Variants in ANO4 observed in about 807,000 individuals in gnomAD.
ANO4 encodes the protein anoctamin-4.
ANO4 carries 69 observed loss-of-function variants against 141.9 expected under a neutral mutation model. The ratio of observed to expected loss-of-function variants is 0.49; its 90% CI spans 0.40 to 0.59. The LOEUF (loss-of-function observed/expected upper bound fraction) is 0.59. Ranked by LOEUF, ANO4 falls within the 20% of genes least tolerant of loss-of-function variation. The pLI, the probability that ANO4 is intolerant of heterozygous loss-of-function variation, is 0.00. For synonymous variants in ANO4, 350 were observed against 394.3 expected, an observed-to-expected ratio of 0.89 and a Z score of 1.33; for missense variants, 894 against 1,162.2, an observed-to-expected ratio of 0.77 and a Z score of 3.36.
intron 3 of ANO4, among the ~76,000 whole-genome samples, chr12:100,784,475 T>C (rs1217854334): frequency 6.6e-6 from 1 of 152,204 alleles, no homozygotes; most frequent in African/African-American, 2.4e-5. Flanking sequence ...TCTAAGGATA[T>C]TCATTTTCCT....
At position 101,020,021 on chromosome 12, in the gene ANO4, T is replaced by C. The variant is rs754227512; in HGVS notation, c.735-13T>C. ...ATTAATTCTCAACTTGTATTTTTAATATATGTATGCAGCTTCATCATACAC... is the reference window on the plus strand; with the variant it reads ...ATTAATTCTCAACTTGTATTTTTAACATATGTATGCAGCTTCATCATACAC... On this transcript the variant is annotated splice_polypyrimidine_tract_variant and intron_variant, in intron 8 of 27. Transcript: ENST00000392977. The C allele has an allele frequency of 6.3e-7, 1 of 1,584,494 alleles. No individual in the cohort carries two copies. The highest frequency in any genetic ancestry group is 8.7e-7 in the Non-Finnish European group (1 of 1,155,268).
chr12:100,808,558 G>A (rs1260135296), intron 1 of ANO4, among the ~76,000 whole-genome samples: 4 of 152,068 alleles, frequency 2.6e-5, no homozygotes, highest in African/African-American at 9.7e-5. Context: ...CTTCTTTTAT[G>A]AATCTCCTTA....
chr12:100,884,134 T>C (rs1286838532), intron 1 of ANO4, among the ~76,000 whole-genome samples: 2 of 152,250 alleles, frequency 1.3e-5, no homozygotes, highest in African/African-American at 4.8e-5. Context: ...AATGTCATGT[T>C]GTTTCTGTTT....
intron 1 of ANO4, among the ~76,000 whole-genome samples, chr12:100,820,247 TA>T (rs2135733653): frequency 6.6e-6 from 1 of 151,768 alleles, no homozygotes; most frequent in South Asian, 2.1e-4. Flanking sequence ...TTCAACCTAT[TA>T]AAATCTTACT....
chr12:100,922,171 T>C (rs2041661926), intron 2 of ANO4, 55 bp from the exon 3 acceptor site: 1 of 1,327,316 alleles, frequency 7.5e-7, no homozygotes, highest in South Asian at 1.5e-5. Flanking sequence ...GGGACCCTAA[T>C]GACAGACTCT....
intron 5 of ANO4, among the ~76,000 whole-genome samples, chr12:100,957,119 ATAT>A (rs2043201260): frequency 6.6e-6 from 1 of 152,210 alleles, no homozygotes; most frequent in African/African-American, 2.4e-5. Context: ...TATGAAGAAA[ATAT>A]TATCATTTAG....
chr12:100,980,527 A>G (rs2044412627), intron 7 of ANO4, among the ~76,000 whole-genome samples: 1 of 152,224 alleles, frequency 6.6e-6, no homozygotes, highest in Non-Finnish European at 1.5e-5. Flanking sequence ...TTCCCGTCGT[A>G]TGAAATCTTG....
chr12:100,756,132 G>A (rs1030253794), intron 3 of ANO4, among the ~76,000 whole-genome samples: 5 of 152,078 alleles, frequency 3.3e-5, no homozygotes, highest in African/African-American at 1.2e-4. Flanking sequence ...ATATTGAAGT[G>A]CTTTTAAATG....
chr12:100,800,709 A>G (rs914955728), intron 1 of ANO4, among the ~76,000 whole-genome samples: 1 of 152,240 alleles, frequency 6.6e-6, no homozygotes, highest in Non-Finnish European at 1.5e-5. Flanking sequence ...TTAAACTGAC[A>G]GCCTGGATAG....
intron 1 of ANO4, among the ~76,000 whole-genome samples, chr12:100,837,049 T>C (rs557232106): frequency 6.6e-6 from 1 of 152,200 alleles, no homozygotes; most frequent in African/African-American, 2.4e-5. Flanking sequence ...AATAGGTAGG[T>C]TGAAGAAATG....
chr12:101,120,614 A>G lies in ANO4; in HGVS notation c.2665A>G (p.Ile889Val). Residue 889 changes from isoleucine to valine, a missense_variant, in exon 26 of 28, where the codon ATT (isoleucine) becomes GTT (valine). This residue lies in a region of ANO4 where 637 missense variants were observed against 909.2 expected (regional missense o/e 0.70). Coordinates refer to ENST00000392977, the MANE Select transcript of ANO4 (RefSeq NM_001286615.2). ...HVLAARLAFIIVFEHLVFCIK... is the reference protein window; with the variant it reads ...HVLAARLAFIVVFEHLVFCIK... ...CCTAGCTGCTCGATTAGCTTTTATC[A>G]TTGTCTTTGAGGTAAGTTTCCTCAG... 1.2e-6 allele frequency: 2 copies of G among 1,613,848 alleles called. No individual in the cohort carries two copies. Among genetic ancestry groups the G allele is most frequent in the Non-Finnish European group, 1.7e-6 (2 of 1,179,818 alleles).
At chr12:100,979,009 CAGG>C (rs1463241252) in intron 7 of ANO4, among the ~76,000 whole-genome samples, 2 of 152,014 alleles carry the variant, frequency 1.3e-5, no homozygotes, top group Non-Finnish European at 2.9e-5. Flanking sequence ...TGGAATATCC[CAGG>C]AGGAGATGTA....
chr12:100,767,686 T>TATGAA (rs1469999250), intron 3 of ANO4, among the ~76,000 whole-genome samples: 1 of 152,232 alleles, frequency 6.6e-6, no homozygotes, highest in African/African-American at 2.4e-5. Flanking sequence ...ATTTAAAACC[T>TATGAA]ATGAATTGTT....
At position 100,718,274 on chromosome 12, in the gene ANO4, A is replaced by C. The variant is rs553640850; in HGVS notation, c.22+727A>C. On this transcript the variant is annotated intron_variant, in intron 1 of 29. Coordinates refer to the ANO4 transcript ENST00000644049. ...GGGAAGCCAGCAAGGCTTCTTATCA[A>C]CGTTCTTGCTTGTGTGGATAAAGCA... is the stretch of plus-strand genomic sequence containing the variant. Among the ~76,000 whole-genome samples the C allele has an allele frequency of 1.4e-3, 206 of 152,344 alleles. 1 individual carries two copies. Among genetic ancestry groups the C allele is most frequent in the African/African-American group, 4.8e-3 (200 of 41,584 alleles).
At chr12:101,114,576 A>C (rs1162566628) in intron 24 of ANO4, among the ~76,000 whole-genome samples, 1 of 152,214 alleles carries the variant, frequency 6.6e-6, no homozygotes, top group South Asian at 2.1e-4. Flanking sequence ...AATGGACAGT[A>C]GCGTTAGTCT....
rs532539546 is a variant in ANO4, at chr12:100,823,484, G to T, written c.-141+28457G>T. On this transcript the variant is annotated intron_variant, in intron 1 of 27. Coordinates refer to ENST00000392977, the MANE Select transcript of ANO4 (RefSeq NM_001286615.2). The stretch of plus-strand genomic sequence containing the variant: ...TCATTTTCCCTCTTGCTTTGTTTTT[G>T]CATACAAGCGAGTTGGGACATATAT... Among the ~76,000 whole-genome samples, 3 of 151,446 alleles carry T rather than the reference G, an allele frequency of 2.0e-5. 1 individual carries two copies. Among genetic ancestry groups the T allele is most frequent in the African/African-American group, 7.3e-5 (3 of 41,302 alleles).
Position 100,981,971 on chromosome 12 carries a change from G to A in ANO4, c.603-5568G>A, listed in dbSNP as rs369602943. 7.2e-5 allele frequency among the ~76,000 whole-genome samples: 11 copies of A among 152,184 alleles called. No individual in the cohort carries two copies. The South Asian group carries it at 1.7e-3, about 23-fold the overall frequency. ...CCAAGACCAAACTTGGGAAGCCATC[G>A]CAGAGCTGGCAAGTTTGTACCCATT... On this transcript the variant is annotated intron_variant, in intron 7 of 27. Transcript: ENST00000392977.
chr12:101,035,628 T>G (rs1372495754), intron 9 of ANO4, among the ~76,000 whole-genome samples: 1 of 152,210 alleles, frequency 6.6e-6, no homozygotes, highest in Non-Finnish European at 1.5e-5. Flanking sequence ...TCCAAAGTCA[T>G]ACCACTAGTC....
chr12:100,879,530 G>C (rs2039468795), intron 1 of ANO4, among the ~76,000 whole-genome samples: 1 of 152,098 alleles, frequency 6.6e-6, no homozygotes, highest in South Asian at 2.1e-4. Context: ...CCAGTGCATT[G>C]TAAATGCTTA....
Sources: allele counts gnomAD v4.1 joint callset (sites outside exome capture counted in the v4.1 genomes callset), GRCh38; gene constraint gnomAD v4.1.1; regional missense constraint gnomAD v4.1.1; transcripts MANE v1.5; gene names NCBI Gene and HGNC (gene_info 2026-07-23, HGNC 2026-07-21).